C1orf185: variants seen among roughly 807,000 people sequenced by gnomAD.
C1orf185 encodes uncharacterized protein C1orf185.
Under a neutral mutation model 16.1 loss-of-function variants are expected in C1orf185, and 13 were observed. The observed-to-expected ratio is 0.81, with a 90% confidence interval of 0.53 to 1.28. The LOEUF (loss-of-function observed/expected upper bound fraction) is 1.28. Ranked by LOEUF, C1orf185 falls within the 50% of genes most tolerant of loss-of-function variation. The pLI, the probability that C1orf185 is intolerant of heterozygous loss-of-function variation, is 0.00. For missense variants in C1orf185, 220 were observed against 225.2 expected (o/e 0.98, Z 0.15); for synonymous variants, 80 against 76.9 (o/e 1.04, Z -0.21).
intron 3 of C1orf185, among the ~76,000 whole-genome samples, chr1:51,119,050 T>C (rs1463685675): frequency 6.6e-6 from 1 of 152,180 alleles, no homozygotes; most frequent in Admixed American, 6.5e-5. Flanking sequence ...GCTATAGGGA[T>C]AAAGATAAAT....
chr1:51,107,027 G>A (rs561438950), intron 1 of C1orf185, among the ~76,000 whole-genome samples: 1 of 152,254 alleles, frequency 6.6e-6, no homozygotes, highest in Non-Finnish European at 1.5e-5. Flanking sequence ...AAAATGCTGG[G>A]ATTACAGGCG....
chr1:51,126,271 G>A (rs753096903), intron 3 of C1orf185, among the ~76,000 whole-genome samples: 2 of 152,048 alleles, frequency 1.3e-5, no homozygotes, highest in Non-Finnish European at 2.9e-5. Context: ...TTTTATTACT[G>A]GAATTTTTTT....
intron 1 of C1orf185, among the ~76,000 whole-genome samples, chr1:51,104,809 C>T (rs183521175): frequency 2.0e-5 from 3 of 152,260 alleles, no homozygotes; most frequent in East Asian, 3.9e-4. Context: ...TTCTAGAAAA[C>T]TGTTTTTGCA....
intron 3 of C1orf185, among the ~76,000 whole-genome samples, chr1:51,132,424 A>C (rs1240125526): frequency 1.3e-5 from 2 of 152,220 alleles, no homozygotes; most frequent in African/African-American, 2.4e-5. Context: ...TGAAAAACAC[A>C]CTACATGAAT....
intron 2 of C1orf185, among the ~76,000 whole-genome samples, 169 bp downstream of exon 2, chr1:51,112,738 A>G (rs890125488): frequency 1.2e-4 from 19 of 152,014 alleles, no homozygotes; most frequent in Non-Finnish European, 2.8e-4. Context: ...TTTTTTAAGT[A>G]GCCTGAAAAA....
intron 3 of C1orf185, among the ~76,000 whole-genome samples, chr1:51,143,351 T>C (rs537097354): frequency 1.2e-4 from 19 of 152,332 alleles, no homozygotes; most frequent in African/African-American, 3.8e-4. Context: ...TTTCTATGAA[T>C]GTAAGGAAGC....
rs1177761503 is a variant in C1orf185 at position 51,147,767 on chromosome 1, T to C, written c.596T>C (p.Leu199Ser). The change falls in exon 5 of 5, where the codon TTA (leucine) becomes TCA (serine). Residue 199 changes from leucine to serine, a missense_variant. Transcript: ENST00000371759. ...ACTGAAAGTGTACTGAATGACACTT[T>C]ATGACCATCAAAAAGATGACTACAT... ...EGTESVLNDT[L>S] The C allele has an allele frequency of 2.6e-6, 4 of 1,513,212 alleles. No homozygotes were observed. Among genetic ancestry groups the C allele is most frequent in the African/African-American group, 1.4e-5 (1 of 71,344 alleles). The allele number at this position is 1,513,212 out of a possible 1,614,324, so 93.7% of individuals were successfully genotyped here.
At chr1:51,146,609 G>A (rs1646402699) in intron 4 of C1orf185, among the ~76,000 whole-genome samples, 1 of 152,058 alleles carries the variant, frequency 6.6e-6, no homozygotes, top group South Asian at 2.1e-4. Context: ...AATGGCAAAT[G>A]TGCAGCCTAA....
intron 2 of C1orf185, among the ~76,000 whole-genome samples, chr1:51,114,885 T>C (rs774186805): frequency 6.6e-6 from 1 of 152,188 alleles, no homozygotes; most frequent in Non-Finnish European, 1.5e-5. Context: ...TGTCAAGATA[T>C]AGAGCTTTTC....
In C1orf185 at chr1:51,118,815, T is replaced by C. The variant is rs1180618970; in HGVS notation, c.258+14T>C. ...TTCCAATTACAGGTAGGGTGTAATA[T>C]TTTATAGTAATCTTTTCAAATAATT... is the stretch of plus-strand genomic sequence containing the variant. On this transcript the variant is annotated intron_variant, in intron 3 of 4. Coordinates refer to ENST00000371759, the MANE Select transcript of C1orf185 (RefSeq NM_001136508.2). 2.2e-6 allele frequency: 3 copies of C among 1,376,908 alleles called. No individual in the cohort carries two copies. The South Asian group carries it at 5.2e-5, about 24-fold the overall frequency. The allele number at this position is 1,376,908 out of a possible 1,614,324, so 85.3% of individuals were successfully genotyped here.
chr1:51,118,848 A>ATTT (rs1403758378), intron 3 of C1orf185, 47 bp downstream of exon 3: 1 of 1,263,010 alleles, frequency 7.9e-7, no homozygotes, highest in African/African-American at 1.5e-5. Context: ...ATTTCTTTTG[A>ATTT]TACCATGTTA....
chr1:51,128,546 A>G (rs576717517), intron 3 of C1orf185, among the ~76,000 whole-genome samples: 1 of 152,140 alleles, frequency 6.6e-6, no homozygotes, highest in South Asian at 2.1e-4. Flanking sequence ...AAAAAAAATT[A>G]GCCAGGTGTG....
intron 3 of C1orf185, among the ~76,000 whole-genome samples, chr1:51,143,531 AT>A (rs1646380293): frequency 6.6e-6 from 1 of 152,158 alleles, no homozygotes; most frequent in African/African-American, 2.4e-5. Context: ...TGTTCCCATC[AT>A]TTTTTGAATT....
intron 3 of C1orf185, among the ~76,000 whole-genome samples, chr1:51,142,544 G>T (rs948320884): frequency 2.6e-5 from 4 of 152,160 alleles, no homozygotes; most frequent in Admixed American, 6.6e-5. Context: ...ATGTGGAGAA[G>T]TTTTTAGCTA....
chr1:51,103,219 A>G (rs1646044574), intron 1 of C1orf185, among the ~76,000 whole-genome samples: 1 of 152,046 alleles, frequency 6.6e-6, no homozygotes, highest in East Asian at 1.9e-4. Context: ...GAACCTGGGC[A>G]ACATAGAGAG....
chr1:51,139,108 CT>C (rs1646347252), intron 3 of C1orf185, among the ~76,000 whole-genome samples: 1 of 146,416 alleles, frequency 6.8e-6, no homozygotes, highest in African/African-American at 2.5e-5. Flanking sequence ...TTTTCTTTTT[CT>C]TTTTTTCCCA....
intron 4 of C1orf185, among the ~76,000 whole-genome samples, chr1:51,146,983 T>C (rs920721314): frequency 1.3e-5 from 2 of 152,142 alleles, no homozygotes; most frequent in Admixed American, 6.5e-5. Context: ...AGTTATAAAA[T>C]CCTTTGCTCC....
intron 3 of C1orf185, among the ~76,000 whole-genome samples, chr1:51,133,553 A>G (rs961969055): frequency 6.6e-6 from 1 of 152,234 alleles, no homozygotes; most frequent in South Asian, 2.1e-4. Flanking sequence ...CAGATTCATA[A>G]AGCAAGTTCT....
At chr1:51,144,383 C>T (rs1412322750) in intron 3 of C1orf185, among the ~76,000 whole-genome samples, 1 of 152,138 alleles carries the variant, frequency 6.6e-6, no homozygotes, top group Non-Finnish European at 1.5e-5. Flanking sequence ...CCCATACTGG[C>T]ATTTGTTAAT....
Sources: allele counts gnomAD v4.1 joint callset (sites outside exome capture counted in the v4.1 genomes callset), GRCh38; gene constraint gnomAD v4.1.1; transcripts MANE v1.5; gene names NCBI Gene and HGNC (gene_info 2026-07-23, HGNC 2026-07-21).